NFAM1: variants seen among roughly 807,000 people sequenced by gnomAD.
The protein encoded by NFAM1 is NFAT activating protein with ITAM motif 1.
In NFAM1, 17 loss-of-function variants were observed where a neutral mutation model predicts 29.0. That is an observed-to-expected ratio of 0.59 (90% CI 0.40 to 0.88). The LOEUF (loss-of-function observed/expected upper bound fraction) is 0.88, where lower values mean the gene tolerates loss of function less well. Ranked by LOEUF, NFAM1 falls within the 40% of genes least tolerant of loss-of-function variation. NFAM1 has a pLI of 0.00. For missense variants in NFAM1, 324 were observed against 344.6 expected, an observed-to-expected ratio of 0.94 and a Z score of 0.47; for synonymous variants, 175 against 147.2, an observed-to-expected ratio of 1.19 and a Z score of -1.36.
intron 1 of NFAM1, among the ~76,000 whole-genome samples, chr22:42,418,928 G>C (rs1930345984): frequency 6.6e-6 from 1 of 152,174 alleles, no homozygotes; most frequent in Non-Finnish European, 1.5e-5. Context: ...TCTGCCTTCA[G>C]CCTCCAGCTG....
At chr22:42,422,270 GTCAA>G (rs1930470823) in intron 1 of NFAM1, among the ~76,000 whole-genome samples, 1 of 152,162 alleles carries the variant, frequency 6.6e-6, no homozygotes, top group Admixed American at 6.5e-5. Flanking sequence ...CCTCACAAGG[GTCAA>G]TCAGTGTCTT....
chr22:42,426,128 C>T (rs974331359), intron 1 of NFAM1, among the ~76,000 whole-genome samples: 14 of 152,186 alleles, frequency 9.2e-5, no homozygotes, highest in Admixed American at 5.2e-4. Flanking sequence ...CCTCTGCCTC[C>T]GGCCAACCTC....
At chr22:42,390,226 A>G (rs899064616) in intron 4 of NFAM1, among the ~76,000 whole-genome samples, 1 of 152,008 alleles carries the variant, frequency 6.6e-6, no homozygotes, top group East Asian at 1.9e-4. Flanking sequence ...TTTGCTACTG[A>G]GTGTCCCCAC....
rs1017129603 is a variant in NFAM1 at position 42,409,801 on chromosome 22, G to A, written c.452-254C>T. ...CCGGTGCCCCTGCCCCCGTGACCTG[G>A]CTCCCCTGTGGGCTGCTTGTAGGGC... On this transcript the variant is annotated intron_variant, in intron 2 of 5. Transcript: ENST00000329021. This position sits in a 1 kb window ranked among gnomAD's most constrained non-coding sequence, Gnocchi z 4.9. Among the ~76,000 whole-genome samples, 1 of 152,174 alleles carries A rather than the reference G, an allele frequency of 6.6e-6. No individual in the cohort carries two copies. Among genetic ancestry groups the A allele is most frequent in the Non-Finnish European group, 1.5e-5 (1 of 68,030 alleles).
At chr22:42,405,898 C>G (rs1046330278) in intron 3 of NFAM1, among the ~76,000 whole-genome samples, 1 of 152,160 alleles carries the variant, frequency 6.6e-6, no homozygotes, top group Non-Finnish European at 1.5e-5. Context: ...CTGACCCAGA[C>G]GTTGGCTCAC....
chr22:42,408,292 G>A (rs1929967056), intron 3 of NFAM1, among the ~76,000 whole-genome samples: 3 of 152,210 alleles, frequency 2.0e-5, no homozygotes, highest in Non-Finnish European at 4.4e-5. Flanking sequence ...TTGAATGAAT[G>A]AACACATAAA....
intron 3 of NFAM1, among the ~76,000 whole-genome samples, chr22:42,402,324 A>G (rs1263263732): frequency 6.6e-6 from 1 of 152,156 alleles, no homozygotes; most frequent in African/African-American, 2.4e-5. Flanking sequence ...TGGACGCATG[A>G]GGTGGCGGCA....
At chr22:42,413,371 G>A (rs1312423787) in intron 1 of NFAM1, among the ~76,000 whole-genome samples, 1 of 152,192 alleles carries the variant, frequency 6.6e-6, no homozygotes, top group Non-Finnish European at 1.5e-5. Context: ...CCAAAGGGAG[G>A]CCAGCCTTCT....
intron 3 of NFAM1, among the ~76,000 whole-genome samples, chr22:42,403,870 G>A (rs75939245): frequency 0.11 from 16,507 of 152,160 alleles, 1,299 homozygotes; most frequent in Admixed American, 0.26. Flanking sequence ...TGTCAGAGAG[G>A]GCCTCTCTGA....
chr22:42,396,109 T>G (rs1929516986), intron 4 of NFAM1, among the ~76,000 whole-genome samples: 2 of 152,136 alleles, frequency 1.3e-5, no homozygotes, highest in African/African-American at 4.8e-5. Context: ...TAGACCCTTA[T>G]GTCAAGGGCT....
chr22:42,424,512 GTT>G (rs1930559841), intron 1 of NFAM1, among the ~76,000 whole-genome samples: 1 of 152,228 alleles, frequency 6.6e-6, no homozygotes, highest in Non-Finnish European at 1.5e-5. Flanking sequence ...AGCCGAACTT[GTT>G]CAGCTGAACA....
chr22:42,410,516 A>G (rs1569231675), intron 2 of NFAM1: 2 of 355,672 alleles, frequency 5.6e-6, no homozygotes, highest in African/African-American at 2.2e-5. Context: ...AAAAGTAGCC[A>G]GGTGTGGTGG....
upstream of NFAM1, among the ~76,000 whole-genome samples, chr22:42,433,551 C>T (rs9620049): frequency 0.014 from 2,168 of 152,250 alleles, 59 homozygotes; most frequent in African/African-American, 0.049. Flanking sequence ...CCCCCGGTGA[C>T]GGCATCATGA....
intron 1 of NFAM1, among the ~76,000 whole-genome samples, chr22:42,424,897 C>G (rs1163651883): frequency 7.1e-6 from 1 of 141,680 alleles, no homozygotes; most frequent in Non-Finnish European, 1.5e-5. Context: ...TCTTTCCTTT[C>G]TTTCTTTCTT....
intron 1 of NFAM1, among the ~76,000 whole-genome samples, chr22:42,431,952 C>T (rs1410425233): frequency 1.3e-5 from 2 of 152,238 alleles, no homozygotes; most frequent in Non-Finnish European, 2.9e-5. Context: ...ACAGCGCCCA[C>T]CCTCCTTGTT....
At chr22:42,420,602 C>T (rs1930414784) in intron 1 of NFAM1, among the ~76,000 whole-genome samples, 1 of 151,994 alleles carries the variant, frequency 6.6e-6, no homozygotes, top group African/African-American at 2.4e-5. Context: ...ACTGTCTCTA[C>T]TAAAAATACA....
intron 4 of NFAM1, among the ~76,000 whole-genome samples, chr22:42,396,311 A>G (rs1381763708): frequency 6.6e-6 from 1 of 152,184 alleles, no homozygotes; most frequent in Non-Finnish European, 1.5e-5. Flanking sequence ...ACGTGGAAAG[A>G]TGTTCATGAA....
chr22:42,416,996 C>T (rs371081658), intron 1 of NFAM1, among the ~76,000 whole-genome samples: 5 of 152,198 alleles, frequency 3.3e-5, no homozygotes, highest in African/African-American at 9.6e-5. Context: ...CCCCCACTTC[C>T]GTGGGGGCCC....
intron 1 of NFAM1, among the ~76,000 whole-genome samples, chr22:42,431,775 T>TCCCCCCCCCCCCCC (rs34684252): frequency 2.0e-5 from 3 of 146,696 alleles, no homozygotes; most frequent in Admixed American, 6.7e-5. Context: ...GGCCCTGGTA[T>TCCCCCCCCCCCCCC]CCCCCCCTCC....
Sources: gnomAD v4.1 joint callset for allele counts (sites outside exome capture counted in the v4.1 genomes callset) on GRCh38, gnomAD v4.1.1 for gene constraint, Gnocchi (gnomAD v3.1) non-coding constraint, MANE v1.5 for transcripts, NCBI Gene and HGNC (gene_info 2026-07-23, HGNC 2026-07-21) for gene names.